RCAN2: variants seen among roughly 807,000 people sequenced by gnomAD.
RCAN2 encodes the protein regulator of calcineurin 2, also known as calcipressin-2.
A neutral mutation model predicts 23.6 loss-of-function variants in RCAN2; 9 were observed. The observed-to-expected ratio is 0.38, with a 90% CI of 0.23 to 0.67. The LOEUF (loss-of-function observed/expected upper bound fraction) is 0.67, where lower values mean the gene tolerates loss of function less well. RCAN2 is among the 30% of genes least tolerant of loss of function. The pLI is 0.51. For synonymous variants in RCAN2, 109 were observed against 115.7 expected, an observed-to-expected ratio of 0.94 and a Z score of 0.37; for missense variants, 273 against 302.3, an observed-to-expected ratio of 0.90 and a Z score of 0.72.
At chr6:46,459,166 G>C (rs370284979) in intron 1 of RCAN2, among the ~76,000 whole-genome samples, 3 of 152,194 alleles carry the variant, frequency 2.0e-5, no homozygotes, top group East Asian at 3.9e-4. Context: ...CCAAAGCGTT[G>C]GGATTTCAGG....
At chr6:46,320,912 A>C (rs1763594719) in intron 2 of RCAN2, among the ~76,000 whole-genome samples, 1 of 152,150 alleles carries the variant, frequency 6.6e-6, no homozygotes. Context: ...AAAATAAATT[A>C]TAGCTTGAGA....
intron 2 of RCAN2, chr6:46,438,397 A>T (rs1767433123): frequency 6.6e-6 from 1 of 152,566 alleles, no homozygotes; most frequent in Non-Finnish European, 1.5e-5. Context: ...GCCACTGCAG[A>T]CACCTCACCA....
intron 2 of RCAN2, among the ~76,000 whole-genome samples, chr6:46,348,280 G>T (rs1046560418): frequency 1.3e-5 from 2 of 152,142 alleles, no homozygotes; most frequent in Non-Finnish European, 2.9e-5. Context: ...GGCAGTATTA[G>T]CATGTCAGAT....
At position 46,342,595 on chromosome 6, in the gene RCAN2, C is replaced by T. The variant is rs2150373665; in HGVS notation, c.226-93699G>A. Among the ~76,000 whole-genome samples, 3 of 67,560 alleles carry T rather than the reference C, an allele frequency of 4.4e-5. No individual in the cohort carries two copies. The Admixed American group carries it at 5.0e-4, about 11-fold the overall frequency. 44.3% of individuals were successfully genotyped at this position (67,560 alleles called of 152,430 possible). A position where few individuals can be genotyped will look rare whatever the true frequency, so the allele number is the denominator to read the frequency against. On this transcript the variant is annotated intron_variant, in intron 2 of 4. Coordinates refer to ENST00000371374, the MANE Select transcript of RCAN2 (RefSeq NM_001251974.2). ...AAAGAATAAGCCAGAAGAACACGAC[C>T]TACATATAGAACATAGCTTTTCTTT...
intron 2 of RCAN2, among the ~76,000 whole-genome samples, chr6:46,388,884 A>T (rs958189353): frequency 6.6e-6 from 1 of 152,198 alleles, no homozygotes; most frequent in Non-Finnish European, 1.5e-5. Context: ...TGATAGGTGC[A>T]GCAAACCACC....
At chr6:46,369,818 T>C (rs1470927437) in intron 2 of RCAN2, among the ~76,000 whole-genome samples, 1 of 152,222 alleles carries the variant, frequency 6.6e-6, no homozygotes, top group African/African-American at 2.4e-5. Flanking sequence ...GAATCTTTTA[T>C]TTCCTAACGA....
intron 2 of RCAN2, among the ~76,000 whole-genome samples, chr6:46,335,153 G>A (rs1272934144): frequency 6.6e-6 from 1 of 152,174 alleles, no homozygotes; most frequent in East Asian, 1.9e-4. Context: ...CCAGTCCCCT[G>A]TGATGTCAGA....
intron 4 of RCAN2, among the ~76,000 whole-genome samples, chr6:46,243,019 T>C (rs1766359496): frequency 6.6e-6 from 1 of 152,168 alleles, no homozygotes; most frequent in Non-Finnish European, 1.5e-5. Flanking sequence ...GATAGAAAAT[T>C]ACCATAAGGA....
chr6:46,373,499 T>C (rs1578422), intron 2 of RCAN2, among the ~76,000 whole-genome samples: 149,236 of 152,280 alleles, frequency 0.98, 73,266 homozygotes, highest in Non-Finnish European at 1. Flanking sequence ...ACAAGTGATC[T>C]GCCCACCTAG....
chr6:46,331,522 C>T (rs1763973372), intron 2 of RCAN2, among the ~76,000 whole-genome samples: 1 of 152,136 alleles, frequency 6.6e-6, no homozygotes, highest in Non-Finnish European at 1.5e-5. Flanking sequence ...CAGGTTGGTT[C>T]CTGAGTCCTC....
chr6:46,462,065 G>A (rs1344841304), intron 1 of RCAN2, among the ~76,000 whole-genome samples: 1 of 152,170 alleles, frequency 6.6e-6, no homozygotes, highest in African/African-American at 2.4e-5. Flanking sequence ...CACTGCAGAG[G>A]TGGCCATCAT....
chr6:46,434,875 C>T (rs1421363989), intron 2 of RCAN2, among the ~76,000 whole-genome samples: 2 of 152,330 alleles, frequency 1.3e-5, no homozygotes, highest in South Asian at 2.1e-4. Context: ...AAACATCCTA[C>T]ATGGCACAGG....
intron 1 of RCAN2, among the ~76,000 whole-genome samples, chr6:46,461,921 A>C (rs1041395096): frequency 1.3e-5 from 2 of 152,042 alleles, no homozygotes; most frequent in African/African-American, 4.8e-5. Context: ...TGGAGAAGGA[A>C]CATGGCCTTG....
chr6:46,298,434 A>C (rs1281684471), intron 2 of RCAN2, among the ~76,000 whole-genome samples: 1 of 152,094 alleles, frequency 6.6e-6, no homozygotes, highest in South Asian at 2.1e-4. Flanking sequence ...GAACTGCCTT[A>C]GGCTTATCCC....
intron 2 of RCAN2, among the ~76,000 whole-genome samples, chr6:46,255,814 A>T (rs1351936157): frequency 1.3e-5 from 2 of 152,182 alleles, no homozygotes; most frequent in African/African-American, 4.8e-5. Flanking sequence ...GGCTTCACAG[A>T]GATCATCTAT....
At chr6:46,353,816 C>T (rs942226963) in intron 2 of RCAN2, among the ~76,000 whole-genome samples, 1 of 152,168 alleles carries the variant, frequency 6.6e-6, no homozygotes, top group African/African-American at 2.4e-5. Context: ...GCATTTGGAG[C>T]ATGATAAATG....
chr6:46,258,075 AT>A lies in RCAN2; in HGVS notation c.226-9180del, dbSNP rs1417641787. ...ATCCCTTTGGGCATAAATTGCTTTAATAAGAAATTTGGCATCTCTCAAAATC... is the reference window on the plus strand; with the variant it reads ...ATCCCTTTGGGCATAAATTGCTTTAAAAGAAATTTGGCATCTCTCAAAATC... On this transcript the variant is annotated intron_variant, in intron 2 of 4. Transcript: ENST00000371374. Among the ~76,000 whole-genome samples the A allele has an allele frequency of 1.3e-5, 2 of 152,238 alleles. 1 individual carries two copies. The highest frequency in any genetic ancestry group is 2.9e-5 in the Non-Finnish European group (2 of 68,046).
At chr6:46,329,259 A>G (rs1363144443) in intron 2 of RCAN2, among the ~76,000 whole-genome samples, 1 of 152,200 alleles carries the variant, frequency 6.6e-6, no homozygotes, top group Admixed American at 6.5e-5. Flanking sequence ...TTGGAAAAGT[A>G]TTCCCCAATC....
At chr6:46,281,001 G>C (rs539403535) in intron 2 of RCAN2, among the ~76,000 whole-genome samples, 4 of 152,114 alleles carry the variant, frequency 2.6e-5, no homozygotes, top group East Asian at 3.9e-4. Flanking sequence ...TCTAGAGTAC[G>C]CATTAGCCAT....
Sources: allele counts gnomAD v4.1 joint callset (sites outside exome capture counted in the v4.1 genomes callset), GRCh38; gene constraint gnomAD v4.1.1; transcripts MANE v1.5; gene names NCBI Gene and HGNC (gene_info 2026-07-23, HGNC 2026-07-21).